The following MARCHF8 variants were observed in gnomAD, a reference collection of about 807,000 sequenced individuals.
The protein encoded by MARCHF8 is membrane associated ring-CH-type finger 8, also known as E3 ubiquitin-protein ligase MARCHF8.
Under a neutral mutation model 51.6 loss-of-function variants are expected in MARCHF8, and 40 were observed. The observed-to-expected ratio is 0.77, with a 90% confidence interval of 0.60 to 1.01. MARCHF8 has a LOEUF of 1.01. Ranked by LOEUF, MARCHF8 falls within the 50% of genes least tolerant of loss-of-function variation. The pLI is 0.00. For synonymous variants in MARCHF8, 263 were observed against 280.3 expected (o/e 0.94, Z 0.62); for missense variants, 685 against 708.6 (o/e 0.97, Z 0.38).
chr10:45,483,551 A>G (rs2042927330), intron 3 of MARCHF8, among the ~76,000 whole-genome samples: 1 of 152,232 alleles, frequency 6.6e-6, no homozygotes, highest in Admixed American at 6.5e-5. Flanking sequence ...ATAATCCAGC[A>G]ATCTCACTAC....
chr10:45,571,023 T>C (rs1333959668), intron 1 of MARCHF8, among the ~76,000 whole-genome samples: 2 of 152,192 alleles, frequency 1.3e-5, no homozygotes, highest in Non-Finnish European at 2.9e-5. Context: ...ATTCCAACCA[T>C]ATTCCCACCA....
Position 45,556,966 on chromosome 10 carries a change from CA to C in MARCHF8, c.-78-23678del, listed in dbSNP as rs1005336167. Among the ~76,000 whole-genome samples the C allele has an allele frequency of 9.2e-5, 14 of 151,790 alleles. 1 individual carries two copies. In the South Asian group the frequency reaches 1.5e-3, roughly 16 times the overall value. On this transcript the variant is annotated intron_variant, in intron 1 of 6. Transcript: ENST00000319836. ...TGTTTTTTTCTTGTGGTAAAAAACA[CA>C]AAACATAAAATTTATCAAATTAACT...
At chr10:45,556,373 A>G (rs189210448) in intron 1 of MARCHF8, among the ~76,000 whole-genome samples, 7 of 152,236 alleles carry the variant, frequency 4.6e-5, no homozygotes, top group Non-Finnish European at 8.8e-5. Flanking sequence ...CAGTGAAAGT[A>G]CTAAAATATT....
chr10:45,579,831 T>C (rs2044532577), intron 1 of MARCHF8, among the ~76,000 whole-genome samples: 1 of 151,712 alleles, frequency 6.6e-6, no homozygotes, highest in African/African-American at 2.4e-5. Context: ...CTGGCCAACA[T>C]GGTGAAACCC....
intron 1 of MARCHF8, among the ~76,000 whole-genome samples, chr10:45,579,330 C>T (rs1439209624): frequency 1.3e-5 from 2 of 149,512 alleles, no homozygotes; most frequent in African/African-American, 2.5e-5. Context: ...GTAAGTTACA[C>T]ATAAAGCAAA....
intron 1 of MARCHF8, among the ~76,000 whole-genome samples, chr10:45,534,197 C>CA (rs2043938488): frequency 6.8e-6 from 1 of 146,272 alleles, no homozygotes; most frequent in African/African-American, 2.5e-5. Context: ...ACCTCCCCCC[C>CA]ACCAAAAAAA....
At chr10:45,512,330 A>C (rs2043534488) in intron 2 of MARCHF8, among the ~76,000 whole-genome samples, 2 of 140,400 alleles carry the variant, frequency 1.4e-5, no homozygotes, top group African/African-American at 2.7e-5. Context: ...CCCGGCAGCC[A>C]CCCCGTCCGG....
intron 2 of MARCHF8, among the ~76,000 whole-genome samples, chr10:45,527,897 G>A (rs2043818372): frequency 6.6e-6 from 1 of 151,990 alleles, no homozygotes; most frequent in South Asian, 2.1e-4. Context: ...AAAAAACATG[G>A]TACACCACAA....
At chr10:45,556,181 A>C (rs891829108) in intron 1 of MARCHF8, among the ~76,000 whole-genome samples, 1 of 152,232 alleles carries the variant, frequency 6.6e-6, no homozygotes, top group African/African-American at 2.4e-5. Flanking sequence ...GAAAATAAGG[A>C]AAACCTATAG....
intron 1 of MARCHF8, among the ~76,000 whole-genome samples, chr10:45,533,823 G>C (rs2043929693): frequency 6.6e-6 from 1 of 152,142 alleles, no homozygotes; most frequent in Non-Finnish European, 1.5e-5. Context: ...ACATATTTTA[G>C]GCACTGTGGT....
In MARCHF8 at chr10:45,464,345, T is replaced by G. The variant is rs746289527; in HGVS notation, c.154-18A>C. On this transcript the variant is annotated intron_variant, in intron 3 of 7. Transcript: ENST00000453424. The stretch of plus-strand genomic sequence containing the variant: ...CTCCCAGCCTGCAATGACAGACCTG[T>G]GGTCAGTGTTCAGGTAAGAGCCAAG... 6.2e-7 allele frequency: 1 copy of G among 1,609,036 alleles called. No individual in the cohort carries two copies. The highest frequency in any genetic ancestry group is 8.5e-7 in the Non-Finnish European group (1 of 1,175,340).
intron 5 of MARCHF8, chr10:45,462,193 T>C (rs1381442274): frequency 6.6e-5 from 10 of 152,246 alleles, no homozygotes; most frequent in Middle Eastern, 6.8e-3. Context: ...GGATCTCTGA[T>C]CCAAATGTTA....
intron 1 of MARCHF8, among the ~76,000 whole-genome samples, chr10:45,585,738 AATATCT>A (rs1270112003): frequency 6.6e-6 from 1 of 152,208 alleles, no homozygotes; most frequent in Non-Finnish European, 1.5e-5. Context: ...TAAATATTGT[AATATCT>A]ATTCAATATT....
At chr10:45,511,834 T>G (rs2043515052) in intron 2 of MARCHF8, among the ~76,000 whole-genome samples, 1 of 151,904 alleles carries the variant, frequency 6.6e-6, no homozygotes, top group African/African-American at 2.4e-5. Flanking sequence ...CGCCACCCCG[T>G]CTGGGAAGTG....
rs1399558513 is a variant in MARCHF8, at chr10:45,455,856, G to C, written c.*2383C>G. ...CGATGAGATGGTGTTAGGCAGAAAA[G>C]AAGGGAGAGGGCTTCCCATGAGAAT... is the stretch of plus-strand genomic sequence containing the variant. On this transcript the variant is annotated 3_prime_UTR_variant, in exon 8 of 8. Coordinates refer to ENST00000453424, the MANE Select transcript of MARCHF8 (RefSeq NM_001282866.2). 1 of 152,416 alleles carries C rather than the reference G, an allele frequency of 6.6e-6. No individual in the cohort carries two copies. Among genetic ancestry groups the C allele is most frequent in the Non-Finnish European group, 1.5e-5 (1 of 68,180 alleles). 9.4% of individuals were successfully genotyped at this position (152,416 alleles called of 1,614,324 possible).
chr10:45,461,670 A>AT, intron 5 of MARCHF8: 1 of 309,630 alleles, frequency 3.2e-6, no homozygotes, highest in Non-Finnish European at 5.9e-6. Context: ...CAAAGCTGTC[A>AT]TTTTTTGGTA....
At chr10:45,572,637 C>T (rs2044443941) in intron 1 of MARCHF8, among the ~76,000 whole-genome samples, 2 of 152,062 alleles carry the variant, frequency 1.3e-5, no homozygotes, top group South Asian at 2.1e-4. Flanking sequence ...ATCGGTCCAT[C>T]CCTAGTCTCT....
chr10:45,458,178 G>T lies in MARCHF8; in HGVS notation c.*61C>A. The T allele has an allele frequency of 6.7e-7, 1 of 1,491,616 alleles. No individual in the cohort carries two copies. Among genetic ancestry groups the T allele is most frequent in the Non-Finnish European group, 9.1e-7 (1 of 1,103,122 alleles). 92.4% of individuals were successfully genotyped at this position (1,491,616 alleles called of 1,614,324 possible). ...AGGACATAAGAAAGGTATACAATTG[G>T]CAGTAAACAATTTCCTTCAGCTCTT... On this transcript the variant is annotated 3_prime_UTR_variant, in exon 8 of 8. Transcript: ENST00000453424.
At position 45,464,211 on chromosome 10, in the gene MARCHF8, C is replaced by G. The variant is rs761390952; in HGVS notation, c.242+28G>C. 5.6e-6 allele frequency: 9 copies of G among 1,604,742 alleles called. 1 individual carries two copies. The South Asian group carries it at 9.9e-5, about 18-fold the overall frequency. The stretch of plus-strand genomic sequence containing the variant: ...TGCTTATTTCTGGCTGCACACTGAT[C>G]ATGGCAGCATCTGAAGCAGAGTGTT... On this transcript the variant is annotated intron_variant, in intron 4 of 7. Transcript: ENST00000453424.
Sources: allele counts gnomAD v4.1 joint callset (sites outside exome capture counted in the v4.1 genomes callset), GRCh38; gene constraint gnomAD v4.1.1; transcripts MANE v1.5; gene names NCBI Gene and HGNC (gene_info 2026-07-23, HGNC 2026-07-21).